The following MCEE variants were observed in gnomAD, a reference collection of about 807,000 sequenced individuals.
The protein encoded by MCEE is methylmalonyl-CoA epimerase.
A neutral mutation model predicts 12.9 loss-of-function variants in MCEE; 6 were observed. The ratio of observed to expected loss-of-function variants is 0.47; its 90% CI spans 0.26 to 0.92. MCEE has a LOEUF of 0.92. Ranked by LOEUF, MCEE falls within the 40% of genes least tolerant of loss-of-function variation. The pLI is 0.16. For missense variants in MCEE, 214 were observed against 212.1 expected (o/e 1.01, Z -0.05); for synonymous variants, 78 against 77.9 (o/e 1.00, Z -0.01).
intron 2 of MCEE, among the ~76,000 whole-genome samples, chr2:71,113,613 T>C (rs1299025078): frequency 6.6e-6 from 1 of 152,000 alleles, no homozygotes; most frequent in Admixed American, 6.6e-5. Context: ...CAAAGGGACA[T>C]AAGAATCAAC....
chr2:71,118,755 T>C (rs941589453), intron 2 of MCEE, among the ~76,000 whole-genome samples: 1 of 150,212 alleles, frequency 6.7e-6, no homozygotes, highest in Admixed American at 6.6e-5. Flanking sequence ...ACTTTGGGGT[T>C]ATGATTTCGA....
intron 2 of MCEE, 67 bp from the exon 3 acceptor site, chr2:71,110,189 A>C (rs935427375): frequency 7.5e-6 from 11 of 1,469,050 alleles, no homozygotes; most frequent in Non-Finnish European, 9.4e-6. Context: ...GTATCATAAG[A>C]CTTAGAAAAA....
intron 1 of MCEE, 120 bp downstream of exon 1, chr2:71,130,060 C>T: frequency 2.9e-6 from 3 of 1,019,254 alleles, no homozygotes; most frequent in Non-Finnish European, 4.5e-6. Context: ...CTGTGGAACG[C>T]GCCCCCGGGG....
Position 71,109,939 on chromosome 2 carries a change from G to T in MCEE, c.*31C>A. ...GATAGTATTTGATAGGCTTTTTCAG[G>T]TCAATTAATTTAGTTGCTTGCAAAT... On this transcript the variant is annotated 3_prime_UTR_variant, in exon 3 of 3. Transcript: ENST00000244217. The T allele has an allele frequency of 1.2e-6, 2 of 1,609,694 alleles. No homozygotes were observed. Among genetic ancestry groups the T allele is most frequent in the South Asian group, 2.2e-5 (2 of 91,000 alleles).
At position 71,128,381 on chromosome 2, in the gene MCEE, G is replaced by A. The variant is rs76236486; in HGVS notation, c.40+1799C>T. Among the ~76,000 whole-genome samples, 5,526 of 152,178 alleles carry A rather than the reference G, an allele frequency of 0.036. 610 individuals carry two copies. In the East Asian group the frequency reaches 0.43, roughly 12 times the overall value. ...TGAGTATACACACCCCCAAAGAAGCGGGAATTCAGAAGTATTTGTACACCC... is the reference window on the plus strand; with the variant it reads ...TGAGTATACACACCCCCAAAGAAGCAGGAATTCAGAAGTATTTGTACACCC... On this transcript the variant is annotated intron_variant, in intron 1 of 2. Transcript: ENST00000244217.
chr2:71,115,663 C>T (rs1264758269), intron 2 of MCEE, among the ~76,000 whole-genome samples: 5 of 150,066 alleles, frequency 3.3e-5, no homozygotes, highest in Non-Finnish European at 1.5e-5. Flanking sequence ...ATCAGTCCCT[C>T]TAAGTAAGGA....
intron 1 of MCEE, among the ~76,000 whole-genome samples, chr2:71,125,297 C>T (rs1163168521): frequency 6.7e-6 from 1 of 148,602 alleles, no homozygotes; most frequent in East Asian, 2.0e-4. Context: ...CAACCTCCGC[C>T]CCCCAGGTTC....
chr2:71,119,422 G>A lies in MCEE; in HGVS notation c.378+4784C>T, dbSNP rs191752311. Among the ~76,000 whole-genome samples the A allele has an allele frequency of 2.0e-5, 3 of 150,668 alleles. No homozygotes were observed. In the East Asian group the frequency reaches 5.8e-4, roughly 29 times the overall value. On this transcript the variant is annotated intron_variant, in intron 2 of 2. Transcript: ENST00000244217. The stretch of plus-strand genomic sequence containing the variant: ...GTATAACCTTATGGGACCTCATGTG[G>A]ACTCATCACTGACTGAAACATTGTT...
At chr2:71,123,181 C>T (rs1462659886) in intron 2 of MCEE, among the ~76,000 whole-genome samples, 2 of 152,234 alleles carry the variant, frequency 1.3e-5, no homozygotes, top group Non-Finnish European at 2.9e-5. Context: ...CAAATGACCT[C>T]TCCTCTGTAT....
intron 2 of MCEE, among the ~76,000 whole-genome samples, chr2:71,115,797 T>C (rs6749520): frequency 0.62 from 79,723 of 128,894 alleles, 24,440 homozygotes; most frequent in East Asian, 0.74. Flanking sequence ...TGGGGAGTCA[T>C]ATACCGGGGC....
chr2:71,113,097 G>A (rs751732051), intron 2 of MCEE, among the ~76,000 whole-genome samples: 5 of 152,100 alleles, frequency 3.3e-5, no homozygotes, highest in East Asian at 3.9e-4. Flanking sequence ...ACATCATACC[G>A]AAATTGAACA....
In MCEE at chr2:71,129,929, G is replaced by C. The variant is rs1167749047; in HGVS notation, c.40+251C>G. The C allele has an allele frequency of 1.4e-5, 8 of 588,974 alleles. No homozygotes were observed. In the East Asian group the frequency reaches 2.3e-4, roughly 17 times the overall value. 36.5% of individuals were successfully genotyped at this position (588,974 alleles called of 1,614,324 possible). ...CCTCGACTCTCCCGCCCACATACTG[G>C]AAGGTGCAGAGCCCAAGGCGCACAG... On this transcript the variant is annotated intron_variant, in intron 1 of 2. Coordinates refer to ENST00000244217, the MANE Select transcript of MCEE (RefSeq NM_032601.4).
intron 1 of MCEE, among the ~76,000 whole-genome samples, chr2:71,125,207 A>T (rs867514722): frequency 0.043 from 2,006 of 46,388 alleles, 80 homozygotes; most frequent in East Asian, 0.11. Flanking sequence ...ATATATATAT[A>T]TATATTTTTT....
rs74985552 is a variant in MCEE, at chr2:71,121,446, A to T, written c.378+2760T>A. Among the ~76,000 whole-genome samples, 5,464 of 152,214 alleles carry T rather than the reference A, an allele frequency of 0.036. 613 individuals are homozygous for T. The East Asian group carries it at 0.43, about 12-fold the overall frequency. On this transcript the variant is annotated intron_variant, in intron 2 of 2. Coordinates refer to ENST00000244217, the MANE Select transcript of MCEE (RefSeq NM_032601.4). ...GTTAAGCCACTTAATTTTTTTGTGG[A>T]GGGCAGAGAATGATGATGGGGGTAT...
chr2:71,121,853 T>A (rs1558746571), intron 2 of MCEE, among the ~76,000 whole-genome samples: 1 of 152,100 alleles, frequency 6.6e-6, no homozygotes, highest in African/African-American at 2.4e-5. Context: ...CTGCTTAAGG[T>A]CTTATAGCTT....
At chr2:71,123,622 T>C (rs1224640295) in intron 2 of MCEE, among the ~76,000 whole-genome samples, 1 of 152,232 alleles carries the variant, frequency 6.6e-6, no homozygotes, top group East Asian at 1.9e-4. Context: ...AAAAGGCAGT[T>C]ATCTGAACAT....
At position 71,124,265 on chromosome 2, in the gene MCEE, G is replaced by T; in HGVS notation, c.319C>A (p.Pro107Thr). The T allele has an allele frequency of 6.2e-7, 1 of 1,614,126 alleles. No homozygotes were observed. Among genetic ancestry groups the T allele is most frequent in the Non-Finnish European group, 8.5e-7 (1 of 1,179,996 alleles). Residue 107 changes from proline to threonine, a missense_variant, in exon 2 of 3, where the codon CCA becomes ACA. Transcript: ENST00000244217. ...TTTTTCTGCAGAAAACCTGCAATTGGACTGTCACGTCCCAATGGATGAAGC... is the reference window on the plus strand; with the variant it reads ...TTTTTCTGCAGAAAACCTGCAATTGTACTGTCACGTCCCAATGGATGAAGC... ...ELLHPLGRDS[P>T]IAGFLQKNKA...
chr2:71,116,237 A>G lies in MCEE; in HGVS notation c.379-6115T>C, dbSNP rs527838232. Among the ~76,000 whole-genome samples the G allele has an allele frequency of 3.3e-5, 5 of 149,358 alleles. No homozygotes were observed. In the East Asian group the frequency reaches 7.8e-4, roughly 23 times the overall value. ...TAGGTGCCCGCCACCACGCCTGGCT[A>G]ATTTTTTTGTATTTTTAGTAGAGAC... On this transcript the variant is annotated intron_variant, in intron 2 of 2. Transcript: ENST00000244217.
chr2:71,125,313 A>G (rs1427812582), intron 1 of MCEE, among the ~76,000 whole-genome samples: 1 of 148,534 alleles, frequency 6.7e-6, no homozygotes, highest in Non-Finnish European at 1.5e-5. Flanking sequence ...GGTTCAAGCG[A>G]TTCTCCTGCC....
Sources: allele counts gnomAD v4.1 joint callset (sites outside exome capture counted in the v4.1 genomes callset), GRCh38; gene constraint gnomAD v4.1.1; transcripts MANE v1.5; gene names NCBI Gene and HGNC (gene_info 2026-07-23, HGNC 2026-07-21).